Variants in TIAM2 observed in about 807,000 individuals in gnomAD.
The protein encoded by TIAM2 is TIAM Rac1 associated GEF 2, also known as rho guanine nucleotide exchange factor TIAM2.
Under a neutral mutation model 152.9 loss-of-function variants are expected in TIAM2, and 80 were observed. The observed-to-expected ratio is 0.52, with a 90% confidence interval of 0.44 to 0.63. TIAM2 has a LOEUF of 0.63. TIAM2 is among the 30% of genes least tolerant of loss of function. The pLI is 0.00. For synonymous variants in TIAM2, 804 were observed against 838.0 expected (o/e 0.96, Z 0.70); for missense variants, 1,965 against 2,120.1 (o/e 0.93, Z 1.44).
chr6:155,257,176 T>TAA lies in TIAM2; in HGVS notation c.*57_*58dup, dbSNP rs1784108459. 7 of 1,124,032 alleles carry TAA rather than the reference T, an allele frequency of 6.2e-6. No homozygotes were observed. Among genetic ancestry groups the TAA allele is most frequent in the South Asian group, 4.8e-5 (3 of 63,118 alleles). The allele number at this position is 1,124,032 out of a possible 1,614,324, so 69.6% of individuals were successfully genotyped here. A position where few individuals can be genotyped will look rare whatever the true frequency, so the allele number is the denominator to read the frequency against. On this transcript the variant is annotated 3_prime_UTR_variant, in exon 27 of 27. Coordinates refer to ENST00000682666, the MANE Select transcript of TIAM2 (RefSeq NM_012454.4). The stretch of plus-strand genomic sequence containing the variant: ...CCTCATTTTACTTTTAAACTGGTGG[T>TAA]AAAGTGGAAATTGCAAAAAAAAAAA...
intron 19 of TIAM2, among the ~76,000 whole-genome samples, chr6:155,247,098 A>C (rs973162697): frequency 1.3e-5 from 2 of 152,222 alleles, no homozygotes; most frequent in African/African-American, 4.8e-5. Context: ...AGGTATGCGA[A>C]AGGTGAATCT....
At chr6:155,194,212 G>C (rs977942558) in intron 14 of TIAM2, among the ~76,000 whole-genome samples, 2 of 152,322 alleles carry the variant, frequency 1.3e-5, no homozygotes, top group Admixed American at 6.5e-5. Context: ...CTGTCTAGCT[G>C]TGGGGAGGTG....
intron 1 of TIAM2, among the ~76,000 whole-genome samples, chr6:155,044,243 C>G (rs571219790): frequency 1.3e-5 from 2 of 152,088 alleles, no homozygotes; most frequent in Non-Finnish European, 2.9e-5. Flanking sequence ...CAGGTTGTTC[C>G]TGGAGCCAAG....
At chr6:155,009,092 T>A (rs1156623407) in intron 1 of TIAM2, among the ~76,000 whole-genome samples, 7 of 2,128 alleles carry the variant, frequency 3.3e-3, no homozygotes, top group Non-Finnish European at 5.9e-3. Flanking sequence ...TCAGAAGATC[T>A]TTTTTTTTTT....
chr6:155,033,645 G>A (rs1776863815), intron 1 of TIAM2, among the ~76,000 whole-genome samples: 1 of 151,804 alleles, frequency 6.6e-6, no homozygotes. Flanking sequence ...GAGCCGCCCT[G>A]CCTGTTTCCT....
In TIAM2 at chr6:155,165,888, C is replaced by A. The variant is rs7751437; in HGVS notation, c.2361+479C>A. Among the ~76,000 whole-genome samples the A allele has an allele frequency of 2.0e-3, 307 of 151,976 alleles. 2 individuals carry two copies. The highest frequency in any genetic ancestry group is 6.8e-3 in the African/African-American group (283 of 41,442). Reference sequence around the variant, plus strand: ...AACTGCACAAGTTGCCGTATCTATCCCGGCACCCCTGAAGAGGTAGTCACA... The same window carrying A: ...AACTGCACAAGTTGCCGTATCTATCACGGCACCCCTGAAGAGGTAGTCACA... On this transcript the variant is annotated intron_variant, in intron 9 of 26. Transcript: ENST00000682666.
chr6:155,047,621 G>A (rs1227651547), intron 1 of TIAM2, among the ~76,000 whole-genome samples: 1 of 149,334 alleles, frequency 6.7e-6, no homozygotes, highest in Non-Finnish European at 1.5e-5. Context: ...AGGACAGAAA[G>A]CACTTTCCCT....
intron 14 of TIAM2, among the ~76,000 whole-genome samples, chr6:155,189,956 A>G (rs993129266): frequency 6.6e-6 from 1 of 152,158 alleles, no homozygotes; most frequent in Admixed American, 6.5e-5. Flanking sequence ...GGCCTTTCAC[A>G]TAGAGCAAGC....
At chr6:155,127,428 T>C (rs1211525554) in intron 2 of TIAM2, 62 bp from the exon 3 acceptor site, 1 of 382,866 alleles carries the variant, frequency 2.6e-6, no homozygotes, top group Non-Finnish European at 5.1e-6. Context: ...GGCTTCCTTT[T>C]GACTTTGTGG....
chr6:155,128,888 C>A (rs1779365483), intron 3 of TIAM2, among the ~76,000 whole-genome samples: 1 of 151,912 alleles, frequency 6.6e-6, no homozygotes, highest in Non-Finnish European at 1.5e-5. Context: ...AAAAAAAAAT[C>A]ATTCAAAGTC....
intron 1 of TIAM2, among the ~76,000 whole-genome samples, chr6:154,997,598 T>G (rs1325335027): frequency 6.6e-6 from 1 of 150,392 alleles, no homozygotes; most frequent in Non-Finnish European, 1.5e-5. Context: ...TTAAGGTTCC[T>G]AGGTTCCGTG....
chr6:155,104,129 T>A (rs927731383), intron 2 of TIAM2, among the ~76,000 whole-genome samples: 2 of 141,268 alleles, frequency 1.4e-5, no homozygotes. Context: ...TTGGCCTCCG[T>A]GGCAACCTCT....
intron 14 of TIAM2, 94 bp downstream of exon 14, chr6:155,183,594 C>A: frequency 6.3e-6 from 9 of 1,432,404 alleles, no homozygotes; most frequent in Non-Finnish European, 8.4e-6. Context: ...ATTATTTAAG[C>A]TGTTCAAAGA....
chr6:155,162,679 T>A (rs1172380569), intron 7 of TIAM2, among the ~76,000 whole-genome samples: 1 of 152,154 alleles, frequency 6.6e-6, no homozygotes, highest in Non-Finnish European at 1.5e-5. Context: ...ATGTAAACTT[T>A]CCTAGGCCTC....
intron 1 of TIAM2, among the ~76,000 whole-genome samples, chr6:155,070,323 C>T (rs1010690079): frequency 3.6e-5 from 5 of 138,522 alleles, no homozygotes; most frequent in African/African-American, 8.1e-5. Context: ...CGGGTTCAAA[C>T]GATTCTCCTG....
At position 155,254,012 on chromosome 6, in the gene TIAM2, AG is replaced by A; in HGVS notation, c.4266del (p.Lys1422AsnfsTer4). On this transcript the variant is annotated frameshift_variant, in exon 25 of 27. Transcript: ENST00000682666. LOFTEE classifies it high-confidence loss of function. ...TCCATATGGGAACTGATCCATACGA[AG>A]TCAGAAATAGAAGGACGGCCAGAAA... Reference protein sequence around the residue: ...NNSIWELIHTKSEIEGRPETI... With the variant: ...NNSIWELIHTXSEIEGRPETI... 1 of 1,614,190 alleles carries A rather than the reference AG, an allele frequency of 6.2e-7. No individual in the cohort carries two copies. The highest frequency in any genetic ancestry group is 2.2e-5 in the East Asian group (1 of 44,884).
At chr6:155,184,150 C>T (rs1007156167) in intron 14 of TIAM2, among the ~76,000 whole-genome samples, 6 of 152,166 alleles carry the variant, frequency 3.9e-5, no homozygotes, top group East Asian at 1.9e-4. Flanking sequence ...CACCATGCCT[C>T]GCTAATTTTT....
chr6:155,180,797 C>T (rs578144542), intron 12 of TIAM2, among the ~76,000 whole-genome samples: 21 of 151,896 alleles, frequency 1.4e-4, no homozygotes, highest in Admixed American at 1.3e-4. Context: ...TTAGTAGAGA[C>T]GGGGTTTCAC....
intron 1 of TIAM2, among the ~76,000 whole-genome samples, chr6:155,028,944 A>G (rs1423646827): frequency 9.1e-6 from 1 of 110,472 alleles, no homozygotes; most frequent in African/African-American, 3.9e-5. Context: ...TATATATACT[A>G]TGTTATATAT....
Sources: allele counts gnomAD v4.1 joint callset (sites outside exome capture counted in the v4.1 genomes callset), GRCh38; gene constraint gnomAD v4.1.1; transcripts MANE v1.5; gene names NCBI Gene and HGNC (gene_info 2026-07-23, HGNC 2026-07-21).